Variants in FGF9 observed in about 807,000 individuals in gnomAD.
FGF9 encodes the protein fibroblast growth factor 9 (glia-activating factor).
A neutral mutation model predicts 19.9 loss-of-function variants in FGF9; 3 were observed. That is an observed-to-expected ratio of 0.15 (90% CI 0.07 to 0.39). The LOEUF (loss-of-function observed/expected upper bound fraction) is 0.39, where lower values mean the gene tolerates loss of function less well. FGF9 is among the 10% of genes least tolerant of loss of function. The pLI is 1.00. For missense variants in FGF9, 175 were observed against 256.8 expected, an observed-to-expected ratio of 0.68 and a Z score of 2.18; for synonymous variants, 107 against 106.9, an observed-to-expected ratio of 1.00 and a Z score of -0.01.
rs538315380 is a variant in FGF9 at position 21,677,547 on chromosome 13, T to C, written c.278-3495T>C. On this transcript the variant is annotated intron_variant, in intron 1 of 2. Transcript: ENST00000382353. ...CCCAGAGAGAGCTGAATGGACCTGG[T>C]TGAGGTTATAGAATTTATTGTGGAC... Among the ~76,000 whole-genome samples, 9 of 152,240 alleles carry C rather than the reference T, an allele frequency of 5.9e-5. No homozygotes were observed. The South Asian group carries it at 1.0e-3, about 18-fold the overall frequency.
chr13:21,698,231 A>G (rs960000173), intron 2 of FGF9, among the ~76,000 whole-genome samples: 2 of 152,198 alleles, frequency 1.3e-5, no homozygotes, highest in Admixed American at 6.5e-5. Flanking sequence ...TCATTACATA[A>G]TAACAAGATC....
At chr13:21,680,563 G>C (rs1872019464) in intron 1 of FGF9, among the ~76,000 whole-genome samples, 1 of 151,960 alleles carries the variant, frequency 6.6e-6, no homozygotes. Flanking sequence ...TGTTTATAAA[G>C]TGGAAATAGG....
intron 2 of FGF9, among the ~76,000 whole-genome samples, chr13:21,688,918 C>G (rs1356870854): frequency 2.0e-5 from 3 of 152,080 alleles, no homozygotes; most frequent in Admixed American, 1.3e-4. Context: ...TACTAATTGT[C>G]TAAGGCATAC....
intron 2 of FGF9, among the ~76,000 whole-genome samples, chr13:21,683,813 C>T (rs1039441985): frequency 1.3e-5 from 2 of 152,244 alleles, no homozygotes; most frequent in African/African-American, 4.8e-5. Flanking sequence ...ATTCTCCACA[C>T]TGATGGCAGA....
At chr13:21,674,057 A>T (rs1284998799) in intron 1 of FGF9, 1 of 152,364 alleles carries the variant, frequency 6.6e-6, no homozygotes, top group Non-Finnish European at 1.5e-5. Context: ...TTTTGGCCCA[A>T]GTTGAGCCCC....
chr13:21,696,000 C>T (rs17070605), intron 2 of FGF9, among the ~76,000 whole-genome samples: 3,557 of 152,240 alleles, frequency 0.023, 54 homozygotes, highest in African/African-American at 0.033. Context: ...TAAGTCTATA[C>T]GTTTTCAATA....
At chr13:21,700,083 C>A (rs1461447376) in intron 2 of FGF9, among the ~76,000 whole-genome samples, 1 of 151,552 alleles carries the variant, frequency 6.6e-6, no homozygotes, top group Non-Finnish European at 1.5e-5. Context: ...AGTTTTGCAA[C>A]CCCAGGAGCC....
intron 2 of FGF9, among the ~76,000 whole-genome samples, chr13:21,699,973 GCAC>G (rs1250198202): frequency 2.0e-5 from 3 of 151,902 alleles, no homozygotes; most frequent in Non-Finnish European, 4.4e-5. Flanking sequence ...CAGCTTCAAT[GCAC>G]ACATTTTTGC....
At chr13:21,688,406 G>T (rs977063759) in intron 2 of FGF9, among the ~76,000 whole-genome samples, 4 of 152,188 alleles carry the variant, frequency 2.6e-5, no homozygotes, top group Admixed American at 2.6e-4. Context: ...TGTTTCATAT[G>T]TGCGTGACCA....
chr13:21,684,526 A>G (rs900754670), intron 2 of FGF9, among the ~76,000 whole-genome samples: 1 of 152,152 alleles, frequency 6.6e-6, no homozygotes, highest in African/African-American at 2.4e-5. Flanking sequence ...AGGAATCACC[A>G]TCTTCCATTT....
chr13:21,671,828 G>A lies in FGF9; in HGVS notation c.-85G>A. On this transcript the variant is annotated 5_prime_UTR_variant, in exon 1 of 3. Coordinates refer to ENST00000382353, the MANE Select transcript of FGF9 (RefSeq NM_002010.3). Reference sequence around the variant, plus strand: ...CTCTCTGCAACTGCAGTAAGGGAGGGGAGTTGGATATACCTCGCCTAATAT... The same window carrying A: ...CTCTCTGCAACTGCAGTAAGGGAGGAGAGTTGGATATACCTCGCCTAATAT... The A allele has an allele frequency of 6.9e-7, 1 of 1,459,450 alleles. No homozygotes were observed. The highest frequency in any genetic ancestry group is 9.6e-7 in the Non-Finnish European group (1 of 1,039,570). 90.4% of individuals were successfully genotyped at this position (1,459,450 alleles called of 1,614,324 possible).
intron 2 of FGF9, among the ~76,000 whole-genome samples, chr13:21,699,885 T>C (rs1027101770): frequency 6.6e-6 from 1 of 152,100 alleles, no homozygotes; most frequent in Non-Finnish European, 1.5e-5. Flanking sequence ...ACTAAAGATA[T>C]CGATTTTAAA....
intron 1 of FGF9, among the ~76,000 whole-genome samples, chr13:21,677,075 A>G (rs763075972): frequency 1.2e-4 from 18 of 152,198 alleles, no homozygotes; most frequent in Admixed American, 4.6e-4. Flanking sequence ...TGGGGTCCCA[A>G]TGAGCATATC....
rs371053576 is a variant in FGF9 at position 21,700,615 on chromosome 13, A to T, written c.382-575A>T. Among the ~76,000 whole-genome samples, 8 of 152,370 alleles carry T rather than the reference A, an allele frequency of 5.3e-5. No individual in the cohort carries two copies. In the South Asian group the frequency reaches 1.0e-3, roughly 20 times the overall value. On this transcript the variant is annotated intron_variant, in intron 2 of 2. Transcript: ENST00000382353. The stretch of plus-strand genomic sequence containing the variant: ...GCTAATGTTGATCTCTGCAGCAGGT[A>T]CTTTATAAAATATATACTGGTGTTA...
At chr13:21,694,787 CA>C (rs1872366109) in intron 2 of FGF9, among the ~76,000 whole-genome samples, 1 of 152,074 alleles carries the variant, frequency 6.6e-6, no homozygotes, top group Non-Finnish European at 1.5e-5. Flanking sequence ...AACATTAACA[CA>C]AGCAAAAATA....
In FGF9 at chr13:21,672,365, G is replaced by C. The variant is rs1871789738; in HGVS notation, c.277+176G>C. On this transcript the variant is annotated intron_variant, in intron 1 of 2. Transcript: ENST00000382353. The surrounding 1 kb of genome is among the most constrained non-coding windows in gnomAD (Gnocchi z 4.2). ...CCAGCTCCGAAAAAAAAATGCCTCCGGAATTGCAGATCTGCTGCTGGCACT... is the reference window on the plus strand; with the variant it reads ...CCAGCTCCGAAAAAAAAATGCCTCCCGAATTGCAGATCTGCTGCTGGCACT... Among the ~76,000 whole-genome samples the C allele has an allele frequency of 6.6e-6, 1 of 151,890 alleles. No homozygotes were observed. Among genetic ancestry groups the C allele is most frequent in the Non-Finnish European group, 1.5e-5 (1 of 67,994 alleles).
intron 1 of FGF9, among the ~76,000 whole-genome samples, chr13:21,680,802 G>GT (rs1872024123): frequency 6.6e-6 from 1 of 152,122 alleles, no homozygotes; most frequent in South Asian, 2.1e-4. Context: ...AAAATGTTTT[G>GT]TTTTTTGTGT....
chr13:21,699,856 C>T lies in FGF9; in HGVS notation c.382-1334C>T, dbSNP rs191087416. Among the ~76,000 whole-genome samples the T allele has an allele frequency of 3.0e-3, 459 of 152,184 alleles. 1 individual carries two copies. The highest frequency in any genetic ancestry group is 0.011 in the Admixed American group (161 of 15,284). Reference sequence around the variant, plus strand: ...GAAACTATTTCTAACAAGTTATTTTCGTGTTTACTGTTTTAAACACTAAAG... The same window carrying T: ...GAAACTATTTCTAACAAGTTATTTTTGTGTTTACTGTTTTAAACACTAAAG... On this transcript the variant is annotated intron_variant, in intron 2 of 2. Coordinates refer to ENST00000382353, the MANE Select transcript of FGF9 (RefSeq NM_002010.3).
rs1016343397 is a variant in FGF9 at position 21,703,537 on chromosome 13, C to G, written c.*2102C>G. On this transcript the variant is annotated 3_prime_UTR_variant, in exon 3 of 3. Transcript: ENST00000382353. ...TTTTATTTTCCTTTCTAAACAGAAA[C>G]TGCATTTAATTCCAAAAAGTAGTAT... 4 of 152,196 alleles carry G rather than the reference C, an allele frequency of 2.6e-5. No homozygotes were observed. Among genetic ancestry groups the G allele is most frequent in the African/African-American group, 9.6e-5 (4 of 41,454 alleles). The allele number at this position is 152,196 out of a possible 1,614,324, so 9.4% of individuals were successfully genotyped here. A position where few individuals can be genotyped will look rare whatever the true frequency, so the allele number is the denominator to read the frequency against.
Sources: allele counts gnomAD v4.1 joint callset (sites outside exome capture counted in the v4.1 genomes callset), GRCh38; gene constraint gnomAD v4.1.1; non-coding constraint Gnocchi (gnomAD v3.1); transcripts MANE v1.5; gene names NCBI Gene and HGNC (gene_info 2026-07-23, HGNC 2026-07-21).